Variants in IFT122 observed in about 807,000 individuals in gnomAD.
The protein encoded by IFT122 is intraflagellar transport protein 122 homolog.
In IFT122, 118 loss-of-function variants were observed where a neutral mutation model predicts 161.6. The ratio of observed to expected loss-of-function variants is 0.73; its 90% CI spans 0.63 to 0.85. IFT122 has a LOEUF of 0.85. Ranked by LOEUF, IFT122 falls within the 40% of genes least tolerant of loss-of-function variation. The pLI is 0.00. For missense variants in IFT122, 1,381 were observed against 1,579.6 expected (o/e 0.87, Z 2.13); for synonymous variants, 550 against 602.4 (o/e 0.91, Z 1.27).
At chr3:129,448,847 C>T (rs1179297832) in intron 1 of IFT122, among the ~76,000 whole-genome samples, 1 of 151,986 alleles carries the variant, frequency 6.6e-6, no homozygotes, top group Admixed American at 6.6e-5. Flanking sequence ...GCTCACCACC[C>T]ACCACCATGC....
chr3:129,463,626 G>A lies in IFT122; in HGVS notation c.416G>A (p.Ser139Asn). 1.2e-6 allele frequency: 2 copies of A among 1,609,366 alleles called. No homozygotes were observed. Among genetic ancestry groups the A allele is most frequent in the Non-Finnish European group, 1.7e-6 (2 of 1,175,814 alleles). ...HKSSSKIICC[S>N]WTNDGQYLAL... is the part of the protein sequence containing the mutation. ...TCAAGCAGCAAGATCATCTGCTGCA[G>A]GTAAGTGCAGCTCTGACGATAAGAT... Residue 139 changes from serine to asparagine, a missense_variant and splice_region_variant, in exon 6 of 30, where the codon AGC becomes AAC. Around this residue, in one of 7 missense-constraint regions of IFT122, gnomAD observed 544 missense variants for 648.0 expected, o/e 0.84. Transcript: ENST00000348417.
chr3:129,519,227 C>T, intron 28 of IFT122, 41 bp downstream of exon 28: 4 of 1,537,364 alleles, frequency 2.6e-6, no homozygotes, highest in Non-Finnish European at 3.6e-6. Flanking sequence ...AGGGCAGCCT[C>T]CATCCCTTCT....
At chr3:129,469,090 C>G (rs547066668) in intron 8 of IFT122, among the ~76,000 whole-genome samples, 2 of 152,154 alleles carry the variant, frequency 1.3e-5, no homozygotes, top group African/African-American at 4.8e-5. Context: ...AGCAGTGTCC[C>G]CAGCACCATA....
intron 3 of IFT122, among the ~76,000 whole-genome samples, chr3:129,456,933 C>T (rs2075573003): frequency 6.6e-6 from 1 of 152,090 alleles, no homozygotes; most frequent in Admixed American, 6.6e-5. Context: ...AGGTACTTTA[C>T]AGATACTATC....
chr3:129,480,196 G>A (rs2078475143), intron 13 of IFT122, among the ~76,000 whole-genome samples: 2 of 152,352 alleles, frequency 1.3e-5, no homozygotes, highest in Non-Finnish European at 2.9e-5. Context: ...AAGGTCTCCA[G>A]AAGGTGGGAG....
chr3:129,452,316 A>G, intron 3 of IFT122: 2 of 359,922 alleles, frequency 5.6e-6, no homozygotes, highest in South Asian at 4.8e-5. Flanking sequence ...GACATACAGT[A>G]AACATAGTAA....
At chr3:129,451,779 A>C in intron 2 of IFT122, 135 bp from the exon 3 acceptor site, 1 of 763,326 alleles carries the variant, frequency 1.3e-6, no homozygotes, top group Non-Finnish European at 2.3e-6. Context: ...TTGGTTTTGC[A>C]GTGCAGTTTT....
At chr3:129,499,831 A>C (rs1384153409) in intron 18 of IFT122, 71 bp from the exon 19 acceptor site, 1 of 1,589,870 alleles carries the variant, frequency 6.3e-7, no homozygotes, top group African/African-American at 1.3e-5. Flanking sequence ...CCTTGCTGCT[A>C]GAAAAGCCTG....
At chr3:129,460,717 T>C in intron 4 of IFT122, 5 of 753,130 alleles carry the variant, frequency 6.6e-6, no homozygotes, top group Non-Finnish European at 1.2e-5. Flanking sequence ...AAACAATTTT[T>C]GAAGGAATGA....
At chr3:129,516,721 C>T (rs1234935785) in intron 26 of IFT122, among the ~76,000 whole-genome samples, 3 of 108,830 alleles carry the variant, frequency 2.8e-5, no homozygotes, top group African/African-American at 4.0e-5. Flanking sequence ...CACACACACA[C>T]ACACAGAGAG....
intron 3 of IFT122, among the ~76,000 whole-genome samples, chr3:129,452,841 G>A (rs904632973): frequency 4.0e-5 from 6 of 148,664 alleles, no homozygotes; most frequent in Non-Finnish European, 6.1e-5. Flanking sequence ...GCATCATCCA[G>A]ACAGGGGGTG....
intron 3 of IFT122, 50 bp from the exon 4 acceptor site, chr3:129,458,549 A>G (rs758585414): frequency 6.9e-7 from 1 of 1,452,880 alleles, no homozygotes; most frequent in South Asian, 1.1e-5. Flanking sequence ...TCTCTGGGAA[A>G]TGCTGGTTTA....
intron 13 of IFT122, among the ~76,000 whole-genome samples, chr3:129,480,338 C>T: frequency 6.6e-6 from 1 of 152,174 alleles, no homozygotes; most frequent in East Asian, 1.9e-4. Flanking sequence ...ATGCTGGGTC[C>T]TCAAGATACT....
At chr3:129,487,964 A>AT in intron 15 of IFT122, 1 of 486,124 alleles carries the variant, frequency 2.1e-6, no homozygotes, top group Non-Finnish European at 3.8e-6. Flanking sequence ...GGGCAAAGGC[A>AT]TTCCAGGTGA....
chr3:129,487,959 A>G (rs1479964009), intron 15 of IFT122: 3 of 476,504 alleles, frequency 6.3e-6, no homozygotes, highest in African/African-American at 3.9e-5. Flanking sequence ...GGGAGGGGCA[A>G]AGGCATTCCA....
At position 129,457,300 on chromosome 3, in the gene IFT122, T is replaced by C. The variant is rs2075624115; in HGVS notation, c.194-1299T>C. On this transcript the variant is annotated intron_variant, in intron 3 of 29. Coordinates refer to ENST00000348417, the MANE Select transcript of IFT122 (RefSeq NM_052989.3). ...AGTATGAAAATGCGAATCTGATCTA[T>C]CACTCTTTGCTTAAAACCTTTCTTT... Among the ~76,000 whole-genome samples, 3 of 152,246 alleles carry C rather than the reference T, an allele frequency of 2.0e-5. No homozygotes were observed. The South Asian group carries it at 6.2e-4, about 31-fold the overall frequency.
At position 129,495,354 on chromosome 3, in the gene IFT122, G is replaced by T. The variant is rs374287484; in HGVS notation, c.2047-92G>T. The T allele has an allele frequency of 4.0e-5, 61 of 1,541,700 alleles. No individual in the cohort carries two copies. The East Asian group carries it at 1.4e-3, about 34-fold the overall frequency. On this transcript the variant is annotated intron_variant, in intron 17 of 29. Transcript: ENST00000348417. ...CAGGTTCCAGTAGGAAGGCCCAGGG[G>T]CCTCACTTGAAATAGCCACATCTAA...
At chr3:129,479,546 G>A (rs1303624715) in intron 12 of IFT122, among the ~76,000 whole-genome samples, 1 of 152,142 alleles carries the variant, frequency 6.6e-6, no homozygotes, top group Admixed American at 6.5e-5. Flanking sequence ...GCTGCCTCTG[G>A]CCTAGGCTGC....
chr3:129,452,563 A>G (rs1230128766), intron 3 of IFT122, among the ~76,000 whole-genome samples: 1 of 152,146 alleles, frequency 6.6e-6, no homozygotes, highest in Non-Finnish European at 1.5e-5. Context: ...TTTGCAGAGG[A>G]AGAGCCATTG....
Sources: gnomAD v4.1 joint callset for allele counts (sites outside exome capture counted in the v4.1 genomes callset) on GRCh38, gnomAD v4.1.1 for gene constraint, gnomAD v4.1.1 regional missense constraint, MANE v1.5 for transcripts, NCBI Gene and HGNC (gene_info 2026-07-23, HGNC 2026-07-21) for gene names.